Variants in SLC2A13 observed in about 807,000 individuals in gnomAD.
The protein encoded by SLC2A13 is proton myo-inositol cotransporter.
SLC2A13 carries 32 observed loss-of-function variants against 64.4 expected under a neutral mutation model. The observed-to-expected ratio is 0.50, with a 90% CI of 0.37 to 0.67. The LOEUF is 0.67. Among genes scored for constraint, SLC2A13 ranks in the 30% least tolerant of loss-of-function variants. SLC2A13 has a pLI of 0.00. For missense variants in SLC2A13, 743 were observed against 829.2 expected (o/e 0.90, Z 1.28); for synonymous variants, 338 against 327.1 (o/e 1.03, Z -0.36).
At chr12:40,001,167 C>T (rs1041030063) in intron 3 of SLC2A13, among the ~76,000 whole-genome samples, 1 of 152,256 alleles carries the variant, frequency 6.6e-6, no homozygotes, top group African/African-American at 2.4e-5. Context: ...TCAACTCTAT[C>T]TGCTGATGTT....
intron 7 of SLC2A13, chr12:39,829,751 T>G: frequency 3.9e-6 from 1 of 258,344 alleles, no homozygotes; most frequent in Non-Finnish European, 7.6e-6. Context: ...ACAGTTTTCT[T>G]TCATTTAAAA....
chr12:39,796,175 G>A (rs1204838641), intron 7 of SLC2A13, among the ~76,000 whole-genome samples: 1 of 152,114 alleles, frequency 6.6e-6, no homozygotes, highest in Non-Finnish European at 1.5e-5. Context: ...ATGTTTCCAA[G>A]GTTATGCATG....
chr12:39,863,768 A>G (rs1187617474), intron 6 of SLC2A13, among the ~76,000 whole-genome samples: 1 of 152,194 alleles, frequency 6.6e-6, no homozygotes, highest in Non-Finnish European at 1.5e-5. Flanking sequence ...TTCCAAAGGC[A>G]CATAGATCAC....
At chr12:39,785,667 A>G (rs960888101) in intron 7 of SLC2A13, among the ~76,000 whole-genome samples, 3 of 152,044 alleles carry the variant, frequency 2.0e-5, no homozygotes, top group Admixed American at 6.6e-5. Flanking sequence ...AGCCACAGAC[A>G]CTCAACGCCA....
At chr12:39,941,188 T>C (rs1946018988) in intron 4 of SLC2A13, among the ~76,000 whole-genome samples, 1 of 152,066 alleles carries the variant, frequency 6.6e-6, no homozygotes, top group African/African-American at 2.4e-5. Context: ...GGCATTTGGG[T>C]TGGTCCCATG....
Position 40,028,492 on chromosome 12 carries a change from G to A in SLC2A13, c.734C>T (p.Ala245Val). 1 of 1,613,872 alleles carries A rather than the reference G, an allele frequency of 6.2e-7. No individual in the cohort carries two copies. Residue 245 changes from alanine (A) to valine (V), a missense_variant, in exon 3 of 10, where the codon GCA becomes GTA. Ala to Val is a moderately conservative substitution (Grantham distance 64, BLOSUM62 0). This residue lies in a region of SLC2A13 where 448 missense variants were observed against 447.4 expected (regional missense o/e 1.00). Transcript: ENST00000280871. The stretch of plus-strand genomic sequence containing the variant: ...AAACTGTATAACCGCCGGAACTGCT[G>A]CAAGTCCCAACATGTACCTGCAAAG... ...KDGWRYMLGL[A>V]AVPAVIQFFG...
intron 4 of SLC2A13, among the ~76,000 whole-genome samples, chr12:39,896,081 T>TGC (rs1944821551): frequency 2.1e-4 from 1 of 4,764 alleles, no homozygotes; most frequent in Non-Finnish European, 9.5e-4. Flanking sequence ...TATACACGTG[T>TGC]ACATATATGT....
chr12:39,896,455 T>C (rs893994918), intron 4 of SLC2A13, among the ~76,000 whole-genome samples: 1 of 144,602 alleles, frequency 6.9e-6, no homozygotes, highest in Non-Finnish European at 1.5e-5. Context: ...TATATGTGTG[T>C]ATATATGTAT....
chr12:39,998,161 A>C (rs1000917416), intron 3 of SLC2A13, among the ~76,000 whole-genome samples: 1 of 152,218 alleles, frequency 6.6e-6, no homozygotes, highest in Non-Finnish European at 1.5e-5. Context: ...AAATTGTGGT[A>C]TGTATATATA....
At chr12:39,971,995 A>AT (rs1192990149) in intron 3 of SLC2A13, among the ~76,000 whole-genome samples, 2,987 of 48,248 alleles carry the variant, frequency 0.062, 58 homozygotes, top group African/African-American at 0.085. Flanking sequence ...AAAAAAAAAA[A>AT]AAATATATAT....
At chr12:39,960,366 T>G (rs1946387347) in intron 3 of SLC2A13, among the ~76,000 whole-genome samples, 2 of 152,210 alleles carry the variant, frequency 1.3e-5, no homozygotes, top group Non-Finnish European at 2.9e-5. Context: ...CAGCTTTATT[T>G]ATTCCTTTAT....
intron 1 of SLC2A13, among the ~76,000 whole-genome samples, chr12:40,104,476 A>C (rs931258218): frequency 5.9e-5 from 9 of 152,306 alleles, no homozygotes; most frequent in African/African-American, 1.9e-4. Context: ...ATTTATCCAC[A>C]GGGGGAGTAG....
intron 1 of SLC2A13, among the ~76,000 whole-genome samples, chr12:40,103,317 A>G (rs1454926530): frequency 6.6e-6 from 1 of 152,208 alleles, no homozygotes; most frequent in Non-Finnish European, 1.5e-5. Context: ...ACATGTCAAC[A>G]TACCATTTCC....
chr12:39,875,110 G>A (rs993185513), intron 4 of SLC2A13, among the ~76,000 whole-genome samples: 13 of 152,198 alleles, frequency 8.5e-5, no homozygotes, highest in Non-Finnish European at 8.8e-5. Flanking sequence ...CAAGGTTAGT[G>A]ACTTTAAAAC....
intron 4 of SLC2A13, among the ~76,000 whole-genome samples, chr12:39,881,405 A>G (rs187075094): frequency 7.7e-4 from 118 of 152,260 alleles, no homozygotes; most frequent in South Asian, 2.7e-3. Context: ...TGTTTAAGGT[A>G]TGTATGCATC....
intron 3 of SLC2A13, among the ~76,000 whole-genome samples, chr12:39,988,138 T>A (rs925742718): frequency 3.3e-5 from 5 of 152,298 alleles, no homozygotes; most frequent in East Asian, 1.9e-4. Flanking sequence ...CAGTTTTTTT[T>A]AAATAGATTC....
rs183852283 is a variant in SLC2A13, at chr12:40,040,542, C to T, written c.716+7509G>A. Reference sequence around the variant, plus strand: ...AGTAGCTGAGATTACAGGCATGTGCCACTATATCCAGCTAATTTTTCTATT... The same window carrying T: ...AGTAGCTGAGATTACAGGCATGTGCTACTATATCCAGCTAATTTTTCTATT... On this transcript the variant is annotated intron_variant, in intron 2 of 9. Coordinates refer to ENST00000280871, the MANE Select transcript of SLC2A13 (RefSeq NM_052885.4). 3.3e-5 allele frequency among the ~76,000 whole-genome samples: 5 copies of T among 152,248 alleles called. No homozygotes were observed. The East Asian group carries it at 9.7e-4, about 29-fold the overall frequency.
chr12:40,013,676 T>C (rs965160182), intron 3 of SLC2A13, among the ~76,000 whole-genome samples: 5 of 152,250 alleles, frequency 3.3e-5, no homozygotes, highest in Admixed American at 3.3e-4. Context: ...TTTTGTATAA[T>C]GAAAATCATT....
chr12:39,915,941 CCACTTACATTTATT>C lies in SLC2A13; in HGVS notation c.1034+35302_1034+35315del, dbSNP rs563407997. Among the ~76,000 whole-genome samples, 348 of 152,028 alleles carry C rather than the reference CCACTTACATTTATT, an allele frequency of 2.3e-3. 4 individuals carry two copies. The highest frequency in any genetic ancestry group is 7.9e-3 in the African/African-American group (327 of 41,460). On this transcript the variant is annotated intron_variant, in intron 4 of 9. Transcript: ENST00000280871. ...ACTTAAAGAAATCAAGAAGGCTCGACCACTTACATTTATTCAAAAGACAAAGAATACCTCCAAAT... is the reference window on the plus strand; with the variant it reads ...ACTTAAAGAAATCAAGAAGGCTCGACCAAAAGACAAAGAATACCTCCAAAT...
Sources: gnomAD v4.1 joint callset for allele counts (sites outside exome capture counted in the v4.1 genomes callset) on GRCh38, gnomAD v4.1.1 for gene constraint, gnomAD v4.1.1 regional missense constraint, MANE v1.5 for transcripts, NCBI Gene and HGNC (gene_info 2026-07-23, HGNC 2026-07-21) for gene names.